Variants in DAB1 observed in about 807,000 individuals in gnomAD.
DAB1 encodes DAB adaptor protein 1, also known as disabled homolog 1.
A neutral mutation model predicts 64.6 loss-of-function variants in DAB1; 15 were observed. The observed-to-expected ratio is 0.23, with a 90% confidence interval of 0.16 to 0.36. DAB1 has a LOEUF of 0.36. Ranked by LOEUF, DAB1 falls within the 10% of genes least tolerant of loss-of-function variation. DAB1 has a pLI of 1.00. For synonymous variants in DAB1, 235 were observed against 251.9 expected, an observed-to-expected ratio of 0.93 and a Z score of 0.64; for missense variants, 596 against 706.7, an observed-to-expected ratio of 0.84 and a Z score of 1.78.
intron 7 of DAB1, among the ~76,000 whole-genome samples, chr1:57,548,362 T>C (rs990670695): frequency 3.3e-5 from 5 of 152,196 alleles, no homozygotes; most frequent in African/African-American, 1.2e-4. Flanking sequence ...TGGATTTGAA[T>C]TTAAATCCCA....
At position 57,685,801 on chromosome 1, in the gene DAB1, T is replaced by C. The variant is rs918205209; in HGVS notation, n.552-36136A>G. Among the ~76,000 whole-genome samples the C allele has an allele frequency of 3.9e-5, 6 of 152,182 alleles. No individual in the cohort carries two copies. In the South Asian group the frequency reaches 1.2e-3, roughly 32 times the overall value. The stretch of plus-strand genomic sequence containing the variant: ...ACATTGAAATTAAACAACTTGCTCT[T>C]GAATAACTCCTGGATGAACCTCAAA... On this transcript the variant is annotated intron_variant and non_coding_transcript_variant, in intron 6 of 20. Transcript: ENST00000485760.
intron 4 of DAB1, among the ~76,000 whole-genome samples, chr1:58,165,071 A>T (rs530728219): frequency 6.6e-6 from 1 of 152,316 alleles, no homozygotes; most frequent in South Asian, 2.1e-4. Flanking sequence ...GAGACTGATT[A>T]ACAAATGCTC....
intron 7 of DAB1, among the ~76,000 whole-genome samples, chr1:57,442,324 G>A (rs1346796213): frequency 6.6e-6 from 1 of 152,172 alleles, no homozygotes; most frequent in Non-Finnish European, 1.5e-5. Context: ...TCATTAATTT[G>A]GATATGGATT....
chr1:57,270,234 C>T (rs1417084090), intron 2 of DAB1, among the ~76,000 whole-genome samples: 2 of 152,226 alleles, frequency 1.3e-5, no homozygotes, highest in Non-Finnish European at 2.9e-5. Flanking sequence ...TTAGTGAGCT[C>T]TGAGCCCATG....
chr1:58,453,481 T>C (rs1645161360), intron 3 of DAB1, among the ~76,000 whole-genome samples: 1 of 152,226 alleles, frequency 6.6e-6, no homozygotes, highest in Non-Finnish European at 1.5e-5. Context: ...TTCACTCCTG[T>C]CAGCCTATCT....
chr1:58,042,478 T>A (rs562420585), intron 5 of DAB1, among the ~76,000 whole-genome samples: 2 of 152,164 alleles, frequency 1.3e-5, no homozygotes, highest in Non-Finnish European at 2.9e-5. Context: ...TTCTACTACA[T>A]GCCAGCCTTT....
chr1:58,129,389 T>C (rs1450256848), intron 5 of DAB1, among the ~76,000 whole-genome samples: 1 of 139,782 alleles, frequency 7.2e-6, no homozygotes, highest in Non-Finnish European at 1.5e-5. Flanking sequence ...TCAATTTTGT[T>C]GATCCTTTCA....
intron 5 of DAB1, among the ~76,000 whole-genome samples, chr1:58,127,084 A>T (rs981002753): frequency 1.1e-4 from 17 of 150,660 alleles, no homozygotes; most frequent in Non-Finnish European, 2.1e-4. Flanking sequence ...AACAGTGTAA[A>T]CGTGTTCCTA....
At chr1:57,354,132 A>G (rs1227465638) in intron 1 of DAB1, among the ~76,000 whole-genome samples, 1 of 152,114 alleles carries the variant, frequency 6.6e-6, no homozygotes, top group Non-Finnish European at 1.5e-5. Flanking sequence ...TCACATCTGA[A>G]AATCGCTTCT....
intron 5 of DAB1, among the ~76,000 whole-genome samples, chr1:58,001,007 C>A (rs1646499182): frequency 6.6e-6 from 1 of 152,056 alleles, no homozygotes; most frequent in African/African-American, 2.4e-5. Flanking sequence ...TTTCTTCTCT[C>A]TTAACTTCTT....
intron 6 of DAB1, among the ~76,000 whole-genome samples, chr1:57,704,583 G>GA (rs1646943558): frequency 6.6e-6 from 1 of 152,126 alleles, no homozygotes; most frequent in Non-Finnish European, 1.5e-5. Flanking sequence ...TAAACCAGCA[G>GA]AATTCAAGAC....
At position 58,219,023 on chromosome 1, in the gene DAB1, C is replaced by G. The variant is rs111762322; in HGVS notation, n.310-68435G>C. On this transcript the variant is annotated intron_variant and non_coding_transcript_variant, in intron 4 of 20. Transcript: ENST00000485760. ...TCTCTCTCTCTCTCTCTCTCTCTCTCTCTGTGTGTGTGTGTGTGTGTTTCA... is the reference window on the plus strand; with the variant it reads ...TCTCTCTCTCTCTCTCTCTCTCTCTGTCTGTGTGTGTGTGTGTGTGTTTCA... Among the ~76,000 whole-genome samples, 404 of 115,490 alleles carry G rather than the reference C, an allele frequency of 3.5e-3. 4 individuals are homozygous for G. Among genetic ancestry groups the G allele is most frequent in the African/African-American group, 0.013 (360 of 27,040 alleles). The allele number at this position is 115,490 out of a possible 152,430, so 75.8% of individuals were successfully genotyped here. A position where few individuals can be genotyped will look rare whatever the true frequency, so the allele number is the denominator to read the frequency against.
chr1:57,720,354 G>A (rs1647135554), intron 6 of DAB1, among the ~76,000 whole-genome samples: 1 of 152,212 alleles, frequency 6.6e-6, no homozygotes, highest in Non-Finnish European at 1.5e-5. Flanking sequence ...GATTACAGAG[G>A]TGGGATGCAG....
intron 1 of DAB1, among the ~76,000 whole-genome samples, chr1:57,297,983 T>C (rs1445052488): frequency 6.6e-6 from 1 of 152,184 alleles, no homozygotes; most frequent in Non-Finnish European, 1.5e-5. Flanking sequence ...CTAGACTGTA[T>C]TCCATGCCCA....
intron 5 of DAB1, chr1:58,055,985 G>T: frequency 1.5e-6 from 1 of 650,736 alleles, no homozygotes; most frequent in Admixed American, 2.6e-5. Context: ...AAATCCGCCT[G>T]CCTCGGCCTC....
intron 4 of DAB1, among the ~76,000 whole-genome samples, chr1:58,330,004 C>G (rs781494602): frequency 3.4e-4 from 51 of 152,050 alleles, no homozygotes; most frequent in Non-Finnish European, 5.4e-4. Context: ...AAATCAAAAG[C>G]TGGAAATGAT....
intron 6 of DAB1, among the ~76,000 whole-genome samples, chr1:57,694,406 T>C (rs754184382): frequency 6.6e-6 from 1 of 152,026 alleles, no homozygotes; most frequent in Non-Finnish European, 1.5e-5. Context: ...AGAATATATA[T>C]TGGGGAGAGT....
intron 11 of DAB1, among the ~76,000 whole-genome samples, chr1:57,019,532 A>G (rs1168094823): frequency 1.3e-5 from 2 of 152,050 alleles, no homozygotes; most frequent in African/African-American, 4.8e-5. Context: ...GGTCCCACTC[A>G]CTTTTCCTAG....
Position 58,128,393 on chromosome 1 carries a change from T to C in DAB1, n.387+22118A>G, listed in dbSNP as rs375796434. 6.4e-3 allele frequency among the ~76,000 whole-genome samples: 912 copies of C among 142,050 alleles called. 11 individuals are homozygous for C. The highest frequency in any genetic ancestry group is 0.038 in the Middle Eastern group (11 of 288). 93.2% of individuals were successfully genotyped at this position (142,050 alleles called of 152,430 possible). On this transcript the variant is annotated intron_variant and non_coding_transcript_variant, in intron 5 of 20. Coordinates refer to the DAB1 transcript ENST00000485760. ...ATGGGGTTTTCTAGATATACAATCATGTCGTCTGCAAACAGGGACAATTTG... is the reference window on the plus strand; with the variant it reads ...ATGGGGTTTTCTAGATATACAATCACGTCGTCTGCAAACAGGGACAATTTG...
Sources: gnomAD v4.1 joint callset for allele counts (sites outside exome capture counted in the v4.1 genomes callset) on GRCh38, gnomAD v4.1.1 for gene constraint, MANE v1.5 for transcripts, NCBI Gene and HGNC (gene_info 2026-07-23, HGNC 2026-07-21) for gene names.